Variants in PPM1B observed in about 807,000 individuals in gnomAD.
PPM1B encodes the protein protein phosphatase 1B.
Under a neutral mutation model 43.0 loss-of-function variants are expected in PPM1B, and 22 were observed. That is an observed-to-expected ratio of 0.51 (90% confidence interval 0.37 to 0.73). The LOEUF is 0.73. Among genes scored for constraint, PPM1B ranks in the 30% least tolerant of loss-of-function variants. PPM1B has a pLI of 0.00. For synonymous variants in PPM1B, 217 were observed against 197.9 expected, an observed-to-expected ratio of 1.10 and a Z score of -0.81; for missense variants, 632 against 584.2, an observed-to-expected ratio of 1.08 and a Z score of -0.84.
intron 1 of PPM1B, among the ~76,000 whole-genome samples, chr2:44,177,711 C>G (rs937361061): frequency 1.3e-5 from 2 of 151,912 alleles, no homozygotes; most frequent in African/African-American, 4.8e-5. Flanking sequence ...AGCCACCGCG[C>G]CCGGCCTACA....
At chr2:44,184,231 A>G (rs568326705) in intron 1 of PPM1B, among the ~76,000 whole-genome samples, 1 of 152,314 alleles carries the variant, frequency 6.6e-6, no homozygotes, top group African/African-American at 2.4e-5. Context: ...CTGCTCTAAT[A>G]GGTATCCAGT....
intron 1 of PPM1B, among the ~76,000 whole-genome samples, chr2:44,190,673 G>A (rs575986872): frequency 3.3e-5 from 5 of 152,224 alleles, no homozygotes; most frequent in Admixed American, 6.5e-5. Context: ...TAGACCAGGC[G>A]TCTGTTAAAA....
At chr2:44,244,185 A>C (rs200313199) in intron 5 of PPM1B, 32 of 911,418 alleles carry the variant, frequency 3.5e-5, no homozygotes, top group African/African-American at 8.3e-5. Flanking sequence ...AAAAAAAAAA[A>C]CCATATATAT....
Position 44,189,934 on chromosome 2 carries a change from A to T in PPM1B, c.-14-11252A>T, listed in dbSNP as rs115281253. 1.3e-3 allele frequency among the ~76,000 whole-genome samples: 194 copies of T among 152,016 alleles called. 3 individuals carry two copies. Among genetic ancestry groups the T allele is most frequent in the Non-Finnish European group, 2.2e-3 (151 of 67,996 alleles). The stretch of plus-strand genomic sequence containing the variant: ...TTTCCTTTACTAACATTTTGATGGC[A>T]TGTTGGGAGGGATTAGAGATAAATG... On this transcript the variant is annotated intron_variant, in intron 1 of 5. Coordinates refer to ENST00000282412, the MANE Select transcript of PPM1B (RefSeq NM_002706.6).
downstream of PPM1B, among the ~76,000 whole-genome samples, chr2:44,236,107 T>A (rs1212430527): frequency 6.6e-6 from 1 of 151,472 alleles, no homozygotes; most frequent in African/African-American, 2.4e-5. Context: ...AAAAAAATTA[T>A]AATGAAGGCC....
chr2:44,170,949 T>A (rs1667309939), intron 1 of PPM1B, among the ~76,000 whole-genome samples: 2 of 151,484 alleles, frequency 1.3e-5, no homozygotes. Flanking sequence ...CTTCTTTGTC[T>A]TTTTTTTTGT....
At position 44,215,088 on chromosome 2, in the gene PPM1B, T is replaced by C. The variant is rs548354251; in HGVS notation, c.965-2879T>C. Among the ~76,000 whole-genome samples the C allele has an allele frequency of 2.6e-5, 4 of 152,302 alleles. No individual in the cohort carries two copies. The South Asian group carries it at 6.2e-4, about 24-fold the overall frequency. On this transcript the variant is annotated intron_variant, in intron 3 of 5. Transcript: ENST00000282412. ...TATTATATAGGAGAGATAACAAATA[T>C]GTAATATGATCTCTAGGGCCTGTAG...
chr2:44,189,328 A>G (rs980344749), intron 1 of PPM1B, among the ~76,000 whole-genome samples: 5 of 152,192 alleles, frequency 3.3e-5, no homozygotes, highest in African/African-American at 1.2e-4. Context: ...GTTCTCTATA[A>G]CTTAGTTTCA....
At chr2:44,245,486 C>T (rs1051044324), downstream of PPM1B, among the ~76,000 whole-genome samples, 2 of 152,116 alleles carry the variant, frequency 1.3e-5, no homozygotes, top group Non-Finnish European at 2.9e-5. Context: ...CTGGAACCCA[C>T]AAAAAACACT....
At position 44,230,536 on chromosome 2, in the gene PPM1B, C is replaced by T; in HGVS notation, c.1258C>T (p.Leu420=). 6.2e-7 allele frequency: 1 copy of T among 1,614,060 alleles called. No homozygotes were observed. The highest frequency in any genetic ancestry group is 8.5e-7 in the Non-Finnish European group (1 of 1,180,002). ...LLEEMLTSYR[L]AKVEGEESPA... ...GGAGGAGATGCTGACTAGTTACAGG[C>T]TAGCTAAAGTAGAGGGAGAAGAAAG... The change falls in exon 6 of 6, where the codon CTA becomes TTA. Residue 420 remains leucine (L), a synonymous_variant. Coordinates refer to ENST00000282412, the MANE Select transcript of PPM1B (RefSeq NM_002706.6).
chr2:44,204,189 A>G (rs1669064233), intron 2 of PPM1B, among the ~76,000 whole-genome samples: 1 of 152,220 alleles, frequency 6.6e-6, no homozygotes. Flanking sequence ...TGAACCTTTG[A>G]AAGTTACTTA....
intron 1 of PPM1B, among the ~76,000 whole-genome samples, chr2:44,198,488 G>C (rs1290779301): frequency 6.6e-6 from 1 of 152,110 alleles, no homozygotes; most frequent in Admixed American, 6.6e-5. Flanking sequence ...AGGTTTCCCT[G>C]ATAATTGTTT....
At chr2:44,210,283 C>A (rs1669398460) in intron 3 of PPM1B, among the ~76,000 whole-genome samples, 1 of 146,396 alleles carries the variant, frequency 6.8e-6, no homozygotes, top group South Asian at 2.1e-4. Context: ...GTGGCATGAT[C>A]TCGGCTCACT....
chr2:44,206,662 G>A (rs1669205379), intron 2 of PPM1B, among the ~76,000 whole-genome samples: 1 of 152,182 alleles, frequency 6.6e-6, no homozygotes, highest in Admixed American at 6.5e-5. Context: ...ATTTCTAAAA[G>A]TGTAAGGTGT....
At chr2:44,237,029 T>C (rs535113208), downstream of PPM1B, among the ~76,000 whole-genome samples, 1 of 152,214 alleles carries the variant, frequency 6.6e-6, no homozygotes, top group Admixed American at 6.5e-5. Context: ...AATGTTAACA[T>C]AATTGTTAAG....
At chr2:44,224,516 T>C (rs1335891490) in intron 5 of PPM1B, among the ~76,000 whole-genome samples, 1 of 151,970 alleles carries the variant, frequency 6.6e-6, no homozygotes, top group African/African-American at 2.4e-5. Context: ...AGATAAATAT[T>C]GCTGCAAATA....
At chr2:44,202,067 T>G in intron 2 of PPM1B, 22 bp downstream of exon 2, 1 of 1,481,408 alleles carries the variant, frequency 6.8e-7, no homozygotes, top group Non-Finnish European at 9.0e-7. Context: ...TTTTTGTCAT[T>G]AAAATAACAT....
chr2:44,179,557 A>ATTAGTTTTCCCT (rs548647451), intron 1 of PPM1B, among the ~76,000 whole-genome samples: 25 of 152,178 alleles, frequency 1.6e-4, no homozygotes, highest in Admixed American at 3.9e-4. Context: ...CCATCTTCCT[A>ATTAGTTTTCCCT]TTAGTTTTCC....
intron 5 of PPM1B, among the ~76,000 whole-genome samples, chr2:44,229,566 A>G (rs943440634): frequency 6.6e-6 from 1 of 152,126 alleles, no homozygotes; most frequent in African/African-American, 2.4e-5. Context: ...TTGATCCTCT[A>G]TTCCCTTTTT....
Sources: allele counts gnomAD v4.1 joint callset (sites outside exome capture counted in the v4.1 genomes callset), GRCh38; gene constraint gnomAD v4.1.1; transcripts MANE v1.5; gene names NCBI Gene and HGNC (gene_info 2026-07-23, HGNC 2026-07-21).